The following KAT6B variants were observed in gnomAD, a reference collection of about 807,000 sequenced individuals.
KAT6B encodes histone acetyltransferase KAT6B.
A neutral mutation model predicts 187.5 loss-of-function variants in KAT6B; 10 were observed. The observed-to-expected ratio is 0.05, with a 90% CI of 0.03 to 0.09. The LOEUF (loss-of-function observed/expected upper bound fraction) is 0.09, where lower values mean the gene tolerates loss of function less well. KAT6B is among the 10% of genes least tolerant of loss of function. The probability of loss-of-function intolerance (pLI) is 1.00; values close to 1 mark genes in which losing one functional copy is unlikely to be tolerated. For synonymous variants in KAT6B, 861 were observed against 926.8 expected (o/e 0.93, Z 1.29); for missense variants, 1,952 against 2,558.9 (o/e 0.76, Z 5.12).
chr10:74,845,619 C>T (rs1842048587), intron 3 of KAT6B, among the ~76,000 whole-genome samples: 1 of 151,236 alleles, frequency 6.6e-6, no homozygotes, highest in Non-Finnish European at 1.5e-5. Flanking sequence ...AAGTGTTCCT[C>T]CCAAGTAACT....
At chr10:74,962,868 A>G (rs1412419860) in intron 4 of KAT6B, among the ~76,000 whole-genome samples, 1 of 152,108 alleles carries the variant, frequency 6.6e-6, no homozygotes, top group Non-Finnish European at 1.5e-5. Context: ...AATTCTTTAA[A>G]AAAAAAAATC....
chr10:75,031,026 G>A lies in KAT6B; in HGVS notation c.6202G>A (p.Gly2068Ser). 6.2e-7 allele frequency: 1 copy of A among 1,614,060 alleles called. No homozygotes were observed. Among genetic ancestry groups the A allele is most frequent in the Non-Finnish European group, 8.5e-7 (1 of 1,180,010 alleles). The change falls in exon 18 of 18, where the codon GGC (glycine) becomes AGC (serine). Residue 2068 changes from glycine (G) to serine (S), a missense_variant. Gly to Ser is a moderately conservative substitution (Grantham distance 56). Around this residue, in one of 9 missense-constraint regions of KAT6B, gnomAD observed 358 missense variants for 436.3 expected, o/e 0.82. Transcript: ENST00000287239. Reference protein sequence around the residue: ...NTGMSKQSLNGSYMRR With the variant: ...NTGMSKQSLNSSYMRR ...AGGCATGTCCAAACAGTCTCTCAAT[G>A]GCTCCTACATGAGAAGGTAGACAAC...
chr10:74,881,652 G>T (rs146415172), intron 3 of KAT6B, among the ~76,000 whole-genome samples: 57 of 152,190 alleles, frequency 3.7e-4, no homozygotes, highest in Non-Finnish European at 5.6e-4. Context: ...CACACAGATG[G>T]CGGTGGAGAT....
rs781519333 is a variant in KAT6B at position 75,020,833 on chromosome 10, G to C, written c.2861+20G>C. On this transcript the variant is annotated intron_variant, in intron 14 of 17. Transcript: ENST00000287239. ...TGGCAGGTGAGTCCTGGGACCCTGG[G>C]CAGCTCCGTGGCTCAGGCATCCCAC... 1 of 1,605,358 alleles carries C rather than the reference G, an allele frequency of 6.2e-7. No individual in the cohort carries two copies. Among genetic ancestry groups the C allele is most frequent in the Admixed American group, 1.7e-5 (1 of 59,918 alleles).
intron 3 of KAT6B, among the ~76,000 whole-genome samples, chr10:74,915,409 C>T (rs549881374): frequency 2.6e-4 from 39 of 152,320 alleles, no homozygotes; most frequent in Non-Finnish European, 4.9e-4. Context: ...CCCTGCCATA[C>T]CTCTGCTCCC....
intron 13 of KAT6B, among the ~76,000 whole-genome samples, chr10:74,993,212 G>A (rs1455754096): frequency 6.6e-6 from 1 of 152,142 alleles, no homozygotes; most frequent in Admixed American, 6.5e-5. Context: ...CCAAGCCCTG[G>A]ACTGCTTCTG....
chr10:74,871,463 G>A (rs1843966254), intron 3 of KAT6B, among the ~76,000 whole-genome samples: 1 of 152,150 alleles, frequency 6.6e-6, no homozygotes, highest in South Asian at 2.1e-4. Context: ...AAAGTGTTGG[G>A]ATTACAGGCG....
Position 75,028,531 on chromosome 10 carries a change from A to G in KAT6B, c.3707A>G (p.Lys1236Arg), listed in dbSNP as rs145511772. 6.2e-7 allele frequency: 1 copy of G among 1,614,234 alleles called. No homozygotes were observed. The highest frequency in any genetic ancestry group is 8.5e-7 in the Non-Finnish European group (1 of 1,180,046). The stretch of plus-strand genomic sequence containing the variant: ...TCAAGTAACTTGAAAGAAGGCAGTA[A>G]AGACAATCCCGAACCTCTAAAGTGC... ...DDSSNLKEGS[K>R]DNPEPLKCKQ... is the part of the protein sequence containing the mutation. Residue 1236 changes from lysine to arginine, a missense_variant, in exon 18 of 18, where the codon AAA becomes AGA. Lys to Arg is a conservative substitution (Grantham distance 26, BLOSUM62 2). Coordinates refer to ENST00000287239, the MANE Select transcript of KAT6B (RefSeq NM_012330.4).
intron 1 of KAT6B, among the ~76,000 whole-genome samples, chr10:74,828,023 C>T (rs1458859306): frequency 1.3e-5 from 2 of 152,002 alleles, no homozygotes; most frequent in Non-Finnish European, 2.9e-5. Context: ...AGCAGGGTAT[C>T]CCAGGAAGAG....
At chr10:74,971,898 C>G (rs1841869760) in intron 6 of KAT6B, among the ~76,000 whole-genome samples, 1 of 152,004 alleles carries the variant, frequency 6.6e-6, no homozygotes. Context: ...ATCATTTCAT[C>G]CTTTCTCCAC....
At chr10:74,987,895 C>G (rs1246350563) in intron 12 of KAT6B, among the ~76,000 whole-genome samples, 1 of 152,208 alleles carries the variant, frequency 6.6e-6, no homozygotes, top group Non-Finnish European at 1.5e-5. Context: ...TTACTTGAAC[C>G]TTTGCCATTG....
chr10:74,837,096 T>G (rs1409138038), intron 1 of KAT6B, among the ~76,000 whole-genome samples: 1 of 152,224 alleles, frequency 6.6e-6, no homozygotes, highest in African/African-American at 2.4e-5. Flanking sequence ...CGCATAATAC[T>G]TATGATCCAG....
At chr10:74,896,685 T>C (rs191963112) in intron 3 of KAT6B, among the ~76,000 whole-genome samples, 2 of 152,378 alleles carry the variant, frequency 1.3e-5, no homozygotes, top group African/African-American at 4.8e-5. Context: ...TGCTTCCAAA[T>C]ATGCTTTCTC....
intron 3 of KAT6B, among the ~76,000 whole-genome samples, chr10:74,893,285 G>A (rs1845761751): frequency 6.6e-6 from 1 of 152,146 alleles, no homozygotes; most frequent in Non-Finnish European, 1.5e-5. Flanking sequence ...CACACTTGCC[G>A]CCTTTCATTC....
chr10:74,903,771 A>G (rs1846560347), intron 3 of KAT6B, among the ~76,000 whole-genome samples: 1 of 152,184 alleles, frequency 6.6e-6, no homozygotes, highest in Admixed American at 6.5e-5. Context: ...CAGTAAGACT[A>G]ATATAGTCCA....
chr10:74,957,553 A>G (rs1212035590), intron 3 of KAT6B, among the ~76,000 whole-genome samples: 2 of 152,238 alleles, frequency 1.3e-5, no homozygotes, highest in Admixed American at 6.5e-5. Context: ...TCTCACAGCT[A>G]AAAATTCATC....
chr10:74,894,642 A>G (rs921279880), intron 3 of KAT6B, among the ~76,000 whole-genome samples: 4 of 152,156 alleles, frequency 2.6e-5, no homozygotes, highest in Non-Finnish European at 5.9e-5. Flanking sequence ...TACTTTCGAT[A>G]ACTCACATCA....
intron 3 of KAT6B, among the ~76,000 whole-genome samples, chr10:74,924,647 G>T (rs923630526): frequency 1.3e-5 from 2 of 152,194 alleles, no homozygotes; most frequent in Non-Finnish European, 2.9e-5. Context: ...TTGTAAAAAT[G>T]TAAAGGTTAC....
chr10:74,946,781 A>G (rs1302754843), intron 3 of KAT6B, among the ~76,000 whole-genome samples: 1 of 152,102 alleles, frequency 6.6e-6, no homozygotes, highest in Non-Finnish European at 1.5e-5. Flanking sequence ...TGGGTTATGG[A>G]GTGGTCTGTA....
Sources: gnomAD v4.1 joint callset for allele counts (sites outside exome capture counted in the v4.1 genomes callset) on GRCh38, gnomAD v4.1.1 for gene constraint, gnomAD v4.1.1 regional missense constraint, MANE v1.5 for transcripts, NCBI Gene and HGNC (gene_info 2026-07-23, HGNC 2026-07-21) for gene names.